CLEC16A: variants seen among roughly 807,000 people sequenced by gnomAD.
The protein encoded by CLEC16A is C-type lectin domain containing 16A.
In CLEC16A, 51 loss-of-function variants were observed where a neutral mutation model predicts 109.5. The observed-to-expected ratio is 0.47, with a 90% CI of 0.37 to 0.59. CLEC16A has a LOEUF of 0.59. Among genes scored for constraint, CLEC16A ranks in the 20% least tolerant of loss-of-function variants. The probability of loss-of-function intolerance (pLI) is 0.00; values close to 1 mark genes in which losing one functional copy is unlikely to be tolerated. For missense variants in CLEC16A, 1,339 were observed against 1,394.0 expected (o/e 0.96, Z 0.63); for synonymous variants, 673 against 564.2 (o/e 1.19, Z -2.73).
At chr16:11,165,469 G>T (rs990489422) in intron 22 of CLEC16A, among the ~76,000 whole-genome samples, 7 of 152,154 alleles carry the variant, frequency 4.6e-5, no homozygotes, top group African/African-American at 1.7e-4. Context: ...TCCAGGCTGG[G>T]CAACAGAGTG....
At chr16:10,973,846 C>T (rs2146436046) in intron 7 of CLEC16A, among the ~76,000 whole-genome samples, 1 of 136,150 alleles carries the variant, frequency 7.3e-6, no homozygotes, top group South Asian at 2.5e-4. Context: ...GCTAGGATTA[C>T]AGGTATGAGC....
At chr16:11,043,089 C>A (rs991366236) in intron 15 of CLEC16A, among the ~76,000 whole-genome samples, 1 of 151,920 alleles carries the variant, frequency 6.6e-6, no homozygotes, top group Non-Finnish European at 1.5e-5. Context: ...TACACACACA[C>A]ACACACATGC....
intron 7 of CLEC16A, among the ~76,000 whole-genome samples, chr16:10,976,698 C>T (rs1030879954): frequency 1.3e-5 from 2 of 152,212 alleles, no homozygotes; most frequent in South Asian, 2.1e-4. Flanking sequence ...GACATTACCC[C>T]CTGGCCCCCC....
chr16:11,034,356 T>G (rs2046907186), intron 13 of CLEC16A, among the ~76,000 whole-genome samples: 1 of 152,232 alleles, frequency 6.6e-6, no homozygotes, highest in African/African-American at 2.4e-5. Context: ...ACTGTTTACC[T>G]GGTGTTCTCG....
chr16:11,102,051 A>C (rs2050950808), intron 19 of CLEC16A, among the ~76,000 whole-genome samples: 1 of 150,938 alleles, frequency 6.6e-6, no homozygotes, highest in Non-Finnish European at 1.5e-5. Flanking sequence ...GGGCTTGAGC[A>C]ATCTGCCTAC....
At chr16:11,108,137 TCTG>T (rs1304701885) in intron 19 of CLEC16A, among the ~76,000 whole-genome samples, 1 of 152,242 alleles carries the variant, frequency 6.6e-6, no homozygotes, top group Non-Finnish European at 1.5e-5. Context: ...TAGCCATCCT[TCTG>T]CTGGTCTGAA....
chr16:11,105,908 G>C (rs1422666065), intron 19 of CLEC16A, among the ~76,000 whole-genome samples: 1 of 152,198 alleles, frequency 6.6e-6, no homozygotes, highest in East Asian at 1.9e-4. Flanking sequence ...TGTGCTGGGA[G>C]ACATGAAGAT....
rs557811007 is a variant in CLEC16A, at chr16:10,975,805, C to T, written c.729-1420C>T. On this transcript the variant is annotated intron_variant, in intron 7 of 23. Coordinates refer to ENST00000409790, the MANE Select transcript of CLEC16A (RefSeq NM_015226.3). ...GGGACTACAGGTGCATGCCACCACC[C>T]CTGGCTAATTTTTTTTTTAATATTT... Among the ~76,000 whole-genome samples the T allele has an allele frequency of 3.3e-5, 5 of 152,068 alleles. No individual in the cohort carries two copies. In the South Asian group the frequency reaches 1.0e-3, roughly 32 times the overall value.
chr16:10,945,232 A>G (rs1232786737), intron 1 of CLEC16A, among the ~76,000 whole-genome samples: 3 of 152,200 alleles, frequency 2.0e-5, no homozygotes, highest in African/African-American at 7.2e-5. Context: ...ACTTGTAAAA[A>G]GAGTAGAGTG....
At chr16:11,129,289 C>T (rs964040661) in intron 22 of CLEC16A, among the ~76,000 whole-genome samples, 1 of 152,162 alleles carries the variant, frequency 6.6e-6, no homozygotes, top group African/African-American at 2.4e-5. Flanking sequence ...CTTGAATAAA[C>T]CCATTGCATA....
At chr16:10,956,338 C>G (rs1007752506) in intron 1 of CLEC16A, among the ~76,000 whole-genome samples, 9 of 152,202 alleles carry the variant, frequency 5.9e-5, no homozygotes, top group African/African-American at 2.2e-4. Flanking sequence ...GTTTCATCTT[C>G]AGGCTGCTTC....
At chr16:11,118,862 C>T (rs370846811) in intron 19 of CLEC16A, among the ~76,000 whole-genome samples, 5 of 152,218 alleles carry the variant, frequency 3.3e-5, no homozygotes, top group South Asian at 2.1e-4. Context: ...TATGGCTGTC[C>T]GGTTTTCTCA....
At chr16:11,075,296 G>C (rs548788747) in intron 19 of CLEC16A, among the ~76,000 whole-genome samples, 1 of 151,920 alleles carries the variant, frequency 6.6e-6, no homozygotes, top group African/African-American at 2.4e-5. Flanking sequence ...TCTGGGTGCA[G>C]CTGCACCAGA....
At chr16:11,012,706 G>A (rs2045509063) in intron 11 of CLEC16A, among the ~76,000 whole-genome samples, 1 of 151,976 alleles carries the variant, frequency 6.6e-6, no homozygotes, top group Non-Finnish European at 1.5e-5. Context: ...GTGGTGGTGG[G>A]TTAAATCAAG....
At chr16:11,011,599 G>T (rs902135021) in intron 11 of CLEC16A, among the ~76,000 whole-genome samples, 2 of 152,108 alleles carry the variant, frequency 1.3e-5, no homozygotes, top group African/African-American at 4.8e-5. Flanking sequence ...TCCTGTCCAT[G>T]GGCAGGGGTA....
At chr16:11,106,656 C>T (rs1177940329) in intron 19 of CLEC16A, among the ~76,000 whole-genome samples, 2 of 145,680 alleles carry the variant, frequency 1.4e-5, no homozygotes, top group Non-Finnish European at 3.0e-5. Context: ...GGCTTCTCTT[C>T]TTTTTTTTTT....
chr16:11,023,791 A>T (rs1043514160), intron 12 of CLEC16A, among the ~76,000 whole-genome samples: 15 of 152,178 alleles, frequency 9.9e-5, no homozygotes, highest in Admixed American at 8.5e-4. Flanking sequence ...CAGAAATTAA[A>T]TGTGCCCTTG....
intron 5 of CLEC16A, chr16:10,971,466 G>A (rs2042783599): frequency 2.7e-6 from 2 of 738,290 alleles, no homozygotes; most frequent in Non-Finnish European, 3.3e-6. Context: ...ATAGAAGTAG[G>A]ATGTCCTGAG....
chr16:10,948,061 T>C (rs927277413), intron 1 of CLEC16A, among the ~76,000 whole-genome samples: 16 of 152,106 alleles, frequency 1.1e-4, no homozygotes, highest in East Asian at 1.9e-4. Context: ...GCCCAGCTAA[T>C]TTTTTGTATT....
Sources: gnomAD v4.1 joint callset for allele counts (sites outside exome capture counted in the v4.1 genomes callset) on GRCh38, gnomAD v4.1.1 for gene constraint, MANE v1.5 for transcripts, NCBI Gene and HGNC (gene_info 2026-07-23, HGNC 2026-07-21) for gene names.